The following FBXW7 variants were observed in gnomAD, a reference collection of about 807,000 sequenced individuals.
FBXW7 encodes F-box and WD repeat domain containing 7, also known as F-box/WD repeat-containing protein 7.
FBXW7 carries 11 observed loss-of-function variants against 86.3 expected under a neutral mutation model. That is an observed-to-expected ratio of 0.13 (90% CI 0.08 to 0.21). The LOEUF (loss-of-function observed/expected upper bound fraction) is 0.21. Ranked by LOEUF, FBXW7 falls within the 10% of genes least tolerant of loss-of-function variation. FBXW7 has a pLI of 1.00. For missense variants in FBXW7, 488 were observed against 847.4 expected, an observed-to-expected ratio of 0.58 and a Z score of 5.27; for synonymous variants, 313 against 297.9, an observed-to-expected ratio of 1.05 and a Z score of -0.52.
chr4:152,387,960 G>A (rs777823488), intron 4 of FBXW7, among the ~76,000 whole-genome samples: 84 of 151,912 alleles, frequency 5.5e-4, no homozygotes, highest in African/African-American at 1.4e-3. Context: ...CGCCCACCTC[G>A]GCCTCCCAAA....
intron 4 of FBXW7, among the ~76,000 whole-genome samples, chr4:152,375,085 AT>A (rs1377176471): frequency 3.7e-4 from 55 of 148,620 alleles, no homozygotes; most frequent in East Asian, 3.3e-3. Context: ...CTAGACTAGA[AT>A]TTTTTTTTTT....
chr4:152,352,426 T>C (rs376046324), intron 4 of FBXW7: 124 of 1,611,224 alleles, frequency 7.7e-5, no homozygotes, highest in Non-Finnish European at 9.8e-5. Context: ...CAGGCAGGCA[T>C]ACACACACAA....
intron 2 of FBXW7, among the ~76,000 whole-genome samples, chr4:152,428,538 C>G (rs973725069): frequency 6.6e-6 from 1 of 152,176 alleles, no homozygotes; most frequent in Non-Finnish European, 1.5e-5. Context: ...CTACTTTTAT[C>G]AGATGGATTG....
chr4:152,535,773 C>G lies in FBXW7; in HGVS notation c.-859G>C, dbSNP rs529968114. 7.6e-6 allele frequency: 3 copies of G among 393,412 alleles called. No individual in the cohort carries two copies. Among genetic ancestry groups the G allele is most frequent in the Admixed American group, 4.5e-5 (1 of 22,404 alleles). The allele number at this position is 393,412 out of a possible 1,614,324, so 24.4% of individuals were successfully genotyped here. A position where few individuals can be genotyped will look rare whatever the true frequency, so the allele number is the denominator to read the frequency against. On this transcript the variant is annotated 5_prime_UTR_variant, in exon 1 of 14. Coordinates refer to ENST00000281708, the MANE Select transcript of FBXW7 (RefSeq NM_001349798.2). ...GCGGAGCAGCTACCCACTCCCGGCCCGTGGTAGCCGCCTCCCTGCCCCCCA... is the reference window on the plus strand; with the variant it reads ...GCGGAGCAGCTACCCACTCCCGGCCGGTGGTAGCCGCCTCCCTGCCCCCCA...
chr4:152,372,066 T>C (rs537800592), intron 4 of FBXW7, among the ~76,000 whole-genome samples: 16 of 152,140 alleles, frequency 1.1e-4, no homozygotes, highest in African/African-American at 3.9e-4. Context: ...TGAGGTTCTC[T>C]ACACTCATTT....
At chr4:152,411,227 C>T in intron 4 of FBXW7, 76 bp downstream of exon 4, 13 of 1,450,350 alleles carry the variant, frequency 9.0e-6, no homozygotes, top group African/African-American at 1.4e-5. Context: ...AATACAAAGA[C>T]TGTGAGGAAA....
At chr4:152,505,639 G>A (rs907209910) in intron 2 of FBXW7, among the ~76,000 whole-genome samples, 1 of 152,020 alleles carries the variant, frequency 6.6e-6, no homozygotes, top group African/African-American at 2.4e-5. Flanking sequence ...TGTCCCACTG[G>A]AAGGTCTTCA....
chr4:152,438,537 G>C (rs1362320649), intron 2 of FBXW7, among the ~76,000 whole-genome samples: 1 of 152,002 alleles, frequency 6.6e-6, no homozygotes, highest in African/African-American at 2.4e-5. Context: ...AATTAGCCAG[G>C]AGTGGCACAC....
chr4:152,392,361 G>C (rs1467038061), intron 4 of FBXW7, among the ~76,000 whole-genome samples: 1 of 152,090 alleles, frequency 6.6e-6, no homozygotes, highest in Non-Finnish European at 1.5e-5. Flanking sequence ...ACACTCACTT[G>C]GTAGTCCTGA....
chr4:152,363,376 C>T (rs1456503694), intron 4 of FBXW7, among the ~76,000 whole-genome samples: 1 of 152,076 alleles, frequency 6.6e-6, no homozygotes, highest in African/African-American at 2.4e-5. Context: ...TAATATCTAT[C>T]CTGGAAGCAC....
intron 4 of FBXW7, among the ~76,000 whole-genome samples, chr4:152,405,432 G>C (rs1047634896): frequency 6.6e-6 from 1 of 152,084 alleles, no homozygotes; most frequent in Non-Finnish European, 1.5e-5. Flanking sequence ...GAGAGGAGAG[G>C]AGATGAAACC....
chr4:152,454,930 A>G (rs1423601030), intron 2 of FBXW7, among the ~76,000 whole-genome samples: 1 of 152,126 alleles, frequency 6.6e-6, no homozygotes, highest in Non-Finnish European at 1.5e-5. Context: ...AAATAAAACT[A>G]ATATATGTGT....
At position 152,322,932 on chromosome 4, in the gene FBXW7, C is replaced by A. The variant is rs1361538196; in HGVS notation, c.2073G>T (p.Gly691=). 6.2e-7 allele frequency: 1 copy of A among 1,613,706 alleles called. No homozygotes were observed. The highest frequency in any genetic ancestry group is 8.5e-7 in the Non-Finnish European group (1 of 1,179,796). The part of the protein sequence containing the change: ...KLVCAVGSRN[G]TEETKLLVLD... The stretch of plus-strand genomic sequence containing the variant: ...GCACCAGCAGCTTGGTTTCTTCAGT[C>A]CCATTCCGACTCCCAACTGCACACA... Residue 691 remains glycine, a synonymous_variant, in exon 14 of 14, where the codon GGG becomes GGT. Transcript: ENST00000281708.
chr4:152,333,129 T>C (rs1033846561), intron 7 of FBXW7, among the ~76,000 whole-genome samples: 2 of 152,168 alleles, frequency 1.3e-5, no homozygotes, highest in Admixed American at 6.6e-5. Flanking sequence ...GAGATTTGTA[T>C]ATATTCTGTG....
chr4:152,423,722 AACAG>A (rs1314269257), intron 2 of FBXW7, among the ~76,000 whole-genome samples: 4 of 152,294 alleles, frequency 2.6e-5, no homozygotes, highest in East Asian at 1.9e-4. Flanking sequence ...AACAACACAA[AACAG>A]ACAGAGTATA....
chr4:152,452,765 T>C (rs1290892160), intron 2 of FBXW7, among the ~76,000 whole-genome samples: 1 of 152,216 alleles, frequency 6.6e-6, no homozygotes, highest in Non-Finnish European at 1.5e-5. Flanking sequence ...TTTTTTTTCC[T>C]GAGAAGAAAT....
At chr4:152,393,993 T>C (rs1026706035) in intron 4 of FBXW7, among the ~76,000 whole-genome samples, 8 of 152,130 alleles carry the variant, frequency 5.3e-5, no homozygotes, top group Admixed American at 2.6e-4. Flanking sequence ...AAAGTTTATA[T>C]GCAAGATGCT....
chr4:152,352,553 T>C (rs1731918606), intron 4 of FBXW7: 2 of 1,613,826 alleles, frequency 1.2e-6, no homozygotes, highest in Non-Finnish European at 1.7e-6. Flanking sequence ...CCCCCGTGTG[T>C]CCGGCTGCTT....
At chr4:152,433,502 C>A (rs1387471099) in intron 2 of FBXW7, among the ~76,000 whole-genome samples, 2 of 152,178 alleles carry the variant, frequency 1.3e-5, no homozygotes, top group Non-Finnish European at 2.9e-5. Context: ...CTTCTCATAT[C>A]TTCTTTAGTC....
Sources: allele counts gnomAD v4.1 joint callset (sites outside exome capture counted in the v4.1 genomes callset), GRCh38; gene constraint gnomAD v4.1.1; transcripts MANE v1.5; gene names NCBI Gene and HGNC (gene_info 2026-07-23, HGNC 2026-07-21).